The following PXDNL variants were observed in gnomAD, a reference collection of about 807,000 sequenced individuals.
PXDNL encodes the protein peroxidasin like.
PXDNL carries 145 observed loss-of-function variants against 150.8 expected under a neutral mutation model. The observed-to-expected ratio is 0.96, with a 90% CI of 0.84 to 1.10. The LOEUF is 1.10. Among genes scored for constraint, PXDNL ranks in the 50% least tolerant of loss-of-function variants. PXDNL has a pLI of 0.00. For missense variants in PXDNL, 2,087 were observed against 1,873.9 expected, an observed-to-expected ratio of 1.11 and a Z score of -2.10; for synonymous variants, 757 against 725.7, an observed-to-expected ratio of 1.04 and a Z score of -0.69.
chr8:51,417,054 T>G (rs1469704955), intron 14 of PXDNL, among the ~76,000 whole-genome samples: 3 of 152,216 alleles, frequency 2.0e-5, no homozygotes, highest in Non-Finnish European at 4.4e-5. Flanking sequence ...AGAACAGCAC[T>G]GTGTTATGTA....
intron 1 of PXDNL, among the ~76,000 whole-genome samples, chr8:51,684,934 AAGCTGACACAATCTCAGCTATGGGAG>A (rs1815840233): frequency 6.6e-6 from 1 of 152,194 alleles, no homozygotes; most frequent in African/African-American, 2.4e-5. Flanking sequence ...ACAGCAGTCC[AAGCTGACACAATCTCAGCTATGGGAG>A]ACCCTGAGCA....
At chr8:51,770,367 T>C (rs898082668) in intron 1 of PXDNL, among the ~76,000 whole-genome samples, 1 of 152,228 alleles carries the variant, frequency 6.6e-6, no homozygotes, top group African/African-American at 2.4e-5. Context: ...GTCTTGGCCT[T>C]CATGGAGCTA....
chr8:51,404,022 C>T (rs1808356042), intron 17 of PXDNL, among the ~76,000 whole-genome samples: 1 of 152,144 alleles, frequency 6.6e-6, no homozygotes. Flanking sequence ...AGTGTTACAG[C>T]TCTTAAGGCC....
In PXDNL at chr8:51,363,847, A is replaced by T. The variant is rs186847781; in HGVS notation, c.3901+8026T>A. Among the ~76,000 whole-genome samples the T allele has an allele frequency of 5.3e-5, 8 of 152,316 alleles. No homozygotes were observed. In the East Asian group the frequency reaches 1.5e-3, roughly 29 times the overall value. On this transcript the variant is annotated intron_variant, in intron 19 of 22. Transcript: ENST00000356297. ...TCCCATGCACAAGGGCTGATGTTAT[A>T]ACAGTAGCTAAAAGATTATTCCTGG...
chr8:51,382,293 C>G (rs1807572611), intron 17 of PXDNL, among the ~76,000 whole-genome samples: 1 of 142,282 alleles, frequency 7.0e-6, no homozygotes, highest in Non-Finnish European at 1.5e-5. Flanking sequence ...AAAGGATTCT[C>G]TCCTCCAAGG....
At chr8:51,600,307 GT>G (rs1813672954) in intron 2 of PXDNL, among the ~76,000 whole-genome samples, 1 of 97,560 alleles carries the variant, frequency 1.0e-5, no homozygotes, top group Non-Finnish European at 2.0e-5. Context: ...AAATTATATG[GT>G]TTAGATAATA....
intron 2 of PXDNL, among the ~76,000 whole-genome samples, chr8:51,635,427 A>C (rs114584325): frequency 0.014 from 2,086 of 152,206 alleles, 49 homozygotes; most frequent in African/African-American, 0.047. Flanking sequence ...AATAGAGTCA[A>C]TGAAACCAAA....
chr8:51,539,271 T>C (rs1301441457), intron 4 of PXDNL, among the ~76,000 whole-genome samples: 1 of 152,126 alleles, frequency 6.6e-6, no homozygotes, highest in Non-Finnish European at 1.5e-5. Context: ...AATTACATTT[T>C]TGTTTTTCGA....
chr8:51,691,406 G>T (rs188057248), intron 1 of PXDNL, among the ~76,000 whole-genome samples: 1 of 152,108 alleles, frequency 6.6e-6, no homozygotes, highest in South Asian at 2.1e-4. Context: ...AGTTTTCCCA[G>T]CACCATTTAT....
At chr8:51,452,802 A>T (rs1289705614) in intron 10 of PXDNL, among the ~76,000 whole-genome samples, 1 of 152,226 alleles carries the variant, frequency 6.6e-6, no homozygotes, top group South Asian at 2.1e-4. Context: ...AACTGATGAA[A>T]AACTAGTTTA....
At chr8:51,328,889 C>A (rs1309918633) in intron 21 of PXDNL, among the ~76,000 whole-genome samples, 1 of 152,132 alleles carries the variant, frequency 6.6e-6, no homozygotes, top group African/African-American at 2.4e-5. Context: ...ATAAAAAAGG[C>A]CTCTATACCA....
At chr8:51,325,054 T>A (rs1319140272) in intron 21 of PXDNL, among the ~76,000 whole-genome samples, 2 of 152,042 alleles carry the variant, frequency 1.3e-5, no homozygotes, top group Admixed American at 1.3e-4. Context: ...TTAGTAGAGA[T>A]GGGGTTTCAC....
chr8:51,406,066 G>C (rs537349914), intron 17 of PXDNL, among the ~76,000 whole-genome samples: 2 of 152,246 alleles, frequency 1.3e-5, no homozygotes. Flanking sequence ...AGGATGGACA[G>C]TGGCCGACAG....
At chr8:51,357,875 A>T (rs1366414333) in intron 19 of PXDNL, among the ~76,000 whole-genome samples, 2 of 152,230 alleles carry the variant, frequency 1.3e-5, no homozygotes, top group East Asian at 3.8e-4. Flanking sequence ...TCTGGGCATC[A>T]CACTTTAATA....
intron 1 of PXDNL, among the ~76,000 whole-genome samples, chr8:51,664,139 A>T (rs976241969): frequency 1.2e-4 from 18 of 152,084 alleles, no homozygotes; most frequent in African/African-American, 4.3e-4. Context: ...ACTAGGCTAC[A>T]TCTGAACAGC....
intron 3 of PXDNL, among the ~76,000 whole-genome samples, chr8:51,586,946 T>C (rs1813338300): frequency 6.6e-6 from 1 of 152,226 alleles, no homozygotes; most frequent in South Asian, 2.1e-4. Context: ...CCTCTTTAAA[T>C]GCTAGCATTG....
At chr8:51,523,098 A>G (rs1209203866) in intron 4 of PXDNL, among the ~76,000 whole-genome samples, 1 of 152,212 alleles carries the variant, frequency 6.6e-6, no homozygotes, top group African/African-American at 2.4e-5. Context: ...CCTATCATTA[A>G]AAAACCAGCC....
At chr8:51,759,531 G>A (rs770616137) in intron 1 of PXDNL, among the ~76,000 whole-genome samples, 10 of 152,150 alleles carry the variant, frequency 6.6e-5, no homozygotes, top group Non-Finnish European at 1.3e-4. Context: ...AAATAGGCAC[G>A]CCCTAAATAC....
At chr8:51,486,153 A>G (rs1330737167) in intron 5 of PXDNL, among the ~76,000 whole-genome samples, 1 of 152,198 alleles carries the variant, frequency 6.6e-6, no homozygotes, top group Non-Finnish European at 1.5e-5. Flanking sequence ...TTGAATATTG[A>G]AAGATATTAT....
Sources: allele counts gnomAD v4.1 joint callset (sites outside exome capture counted in the v4.1 genomes callset), GRCh38; gene constraint gnomAD v4.1.1; transcripts MANE v1.5; gene names NCBI Gene and HGNC (gene_info 2026-07-23, HGNC 2026-07-21).